The following TAX1BP1 variants were observed in gnomAD, a reference collection of about 807,000 sequenced individuals.
TAX1BP1 encodes the protein tax1-binding protein 1.
A neutral mutation model predicts 97.7 loss-of-function variants in TAX1BP1; 62 were observed. The observed-to-expected ratio is 0.63, with a 90% CI of 0.52 to 0.78. The LOEUF is 0.78. Among genes scored for constraint, TAX1BP1 ranks in the 30% least tolerant of loss-of-function variants. TAX1BP1 has a pLI of 0.00. For missense variants in TAX1BP1, 867 were observed against 916.1 expected, an observed-to-expected ratio of 0.95 and a Z score of 0.69; for synonymous variants, 340 against 304.2, an observed-to-expected ratio of 1.12 and a Z score of -1.23.
chr7:27,809,972 A>C (rs2128323114), intron 13 of TAX1BP1, among the ~76,000 whole-genome samples: 1 of 151,622 alleles, frequency 6.6e-6, no homozygotes, highest in African/African-American at 2.4e-5. Flanking sequence ...CAGTGGCGCG[A>C]TCTTGGCTCA....
chr7:27,766,693 A>G (rs1788660418), intron 4 of TAX1BP1, among the ~76,000 whole-genome samples: 1 of 152,108 alleles, frequency 6.6e-6, no homozygotes, highest in Non-Finnish European at 1.5e-5. Flanking sequence ...TGGCGTAATC[A>G]GTTCATTGTA....
At chr7:27,758,902 A>G (rs1011599746) in intron 3 of TAX1BP1, among the ~76,000 whole-genome samples, 1 of 152,166 alleles carries the variant, frequency 6.6e-6, no homozygotes, top group South Asian at 2.1e-4. Context: ...TGGTTGCACA[A>G]CAATATGAAT....
intron 5 of TAX1BP1, among the ~76,000 whole-genome samples, chr7:27,775,392 A>G (rs1400531720): frequency 6.6e-6 from 1 of 152,194 alleles, no homozygotes; most frequent in Non-Finnish European, 1.5e-5. Context: ...ATACAATTGA[A>G]GGATCATATG....
chr7:27,767,018 C>T (rs1036765045), intron 4 of TAX1BP1, among the ~76,000 whole-genome samples: 3 of 152,064 alleles, frequency 2.0e-5, no homozygotes, highest in Non-Finnish European at 4.4e-5. Flanking sequence ...TATAAATTTA[C>T]TATGTAGATG....
chr7:27,786,700 A>G (rs1378659620), intron 7 of TAX1BP1, among the ~76,000 whole-genome samples: 1 of 152,240 alleles, frequency 6.6e-6, no homozygotes. Flanking sequence ...AGGAGTTAAT[A>G]TTCTATCCTT....
At chr7:27,796,872 A>G (rs1789953869) in intron 12 of TAX1BP1, among the ~76,000 whole-genome samples, 1 of 152,108 alleles carries the variant, frequency 6.6e-6, no homozygotes, top group South Asian at 2.1e-4. Flanking sequence ...AATAATAAAT[A>G]AAATAAATTA....
intron 5 of TAX1BP1, 114 bp downstream of exon 5, chr7:27,769,948 C>T (rs1177121058): frequency 2.1e-6 from 2 of 966,486 alleles, no homozygotes; most frequent in African/African-American, 3.3e-5. Flanking sequence ...GAAAAGTAGC[C>T]TTTTAGATAG....
chr7:27,782,502 G>C (rs1056195223), intron 5 of TAX1BP1, among the ~76,000 whole-genome samples: 1 of 151,992 alleles, frequency 6.6e-6, no homozygotes, highest in Admixed American at 6.6e-5. Context: ...CACCCACCTA[G>C]GCCCCCCAAA....
chr7:27,781,898 T>C (rs1789272461), intron 5 of TAX1BP1, among the ~76,000 whole-genome samples: 2 of 151,974 alleles, frequency 1.3e-5, no homozygotes. Flanking sequence ...TTTATGTTTT[T>C]AGTAGAGACA....
rs193014555 is a variant in TAX1BP1 at position 27,787,128 on chromosome 7, T to G, written c.853-290T>G. ...AGAACAACCAAATCTATTTGCATTT[T>G]TAAAGAGAACCTGAAACCATTAAAT... On this transcript the variant is annotated intron_variant, in intron 7 of 16. Transcript: ENST00000396319. Among the ~76,000 whole-genome samples, 939 of 152,306 alleles carry G rather than the reference T, an allele frequency of 6.2e-3. 38 individuals carry two copies. The highest frequency in any genetic ancestry group is 0.057 in the Admixed American group (877 of 15,280).
intron 2 of TAX1BP1, among the ~76,000 whole-genome samples, chr7:27,755,864 A>T (rs1788192701): frequency 6.6e-6 from 1 of 152,184 alleles, no homozygotes; most frequent in Non-Finnish European, 1.5e-5. Flanking sequence ...GTTTTATATA[A>T]CTGGTATTTT....
At chr7:27,798,794 G>A (rs1790029739) in intron 12 of TAX1BP1, among the ~76,000 whole-genome samples, 1 of 151,414 alleles carries the variant, frequency 6.6e-6, no homozygotes, top group South Asian at 2.1e-4. Context: ...ATGACTTGAT[G>A]TTGAGCATCT....
intron 13 of TAX1BP1, among the ~76,000 whole-genome samples, chr7:27,805,167 A>G (rs1790288885): frequency 6.6e-6 from 1 of 152,198 alleles, no homozygotes; most frequent in African/African-American, 2.4e-5. Flanking sequence ...CCTGTTTCCC[A>G]TATAAATTGT....
intron 9 of TAX1BP1, 123 bp downstream of exon 9, chr7:27,792,353 C>T (rs1789751315): frequency 1.1e-6 from 1 of 941,068 alleles, no homozygotes; most frequent in Non-Finnish European, 1.6e-6. Flanking sequence ...TTAAAATTTT[C>T]ATTCCTTTTG....
At chr7:27,766,829 T>A (rs1315682491) in intron 4 of TAX1BP1, among the ~76,000 whole-genome samples, 1 of 152,208 alleles carries the variant, frequency 6.6e-6, no homozygotes, top group Non-Finnish European at 1.5e-5. Flanking sequence ...TGGCAGTGAG[T>A]CAGGGGAGCT....
chr7:27,742,120 A>G (rs1209083909), intron 1 of TAX1BP1, among the ~76,000 whole-genome samples: 1 of 152,204 alleles, frequency 6.6e-6, no homozygotes, highest in Non-Finnish European at 1.5e-5. Context: ...AGGGACGGGC[A>G]GGAGACAGAT....
chr7:27,801,400 T>C (rs1248922970), intron 13 of TAX1BP1, among the ~76,000 whole-genome samples: 2 of 152,204 alleles, frequency 1.3e-5, no homozygotes, highest in East Asian at 3.8e-4. Flanking sequence ...TAGCTTATTA[T>C]TTCTGTGATC....
chr7:27,785,320 C>T lies in TAX1BP1; in HGVS notation c.761+9C>T. On this transcript the variant is annotated intron_variant, in intron 6 of 16. Coordinates refer to ENST00000396319, the MANE Select transcript of TAX1BP1 (RefSeq NM_006024.7). ...GAAACCGAATTAGACAGGTATTTCT[C>T]ATGCTTTTAAAAAATAAATTCAATA... 6.3e-7 allele frequency: 1 copy of T among 1,594,028 alleles called. No individual in the cohort carries two copies. The highest frequency in any genetic ancestry group is 8.5e-7 in the Non-Finnish European group (1 of 1,174,426).
intron 2 of TAX1BP1, among the ~76,000 whole-genome samples, chr7:27,752,474 A>G (rs1336658584): frequency 6.6e-6 from 1 of 152,170 alleles, no homozygotes; most frequent in South Asian, 2.1e-4. Flanking sequence ...GCTGTCATTC[A>G]AATTGGGTGT....
Sources: gnomAD v4.1 joint callset for allele counts (sites outside exome capture counted in the v4.1 genomes callset) on GRCh38, gnomAD v4.1.1 for gene constraint, MANE v1.5 for transcripts, NCBI Gene and HGNC (gene_info 2026-07-23, HGNC 2026-07-21) for gene names.